GLIS3: variants seen among roughly 807,000 people sequenced by gnomAD.
The protein encoded by GLIS3 is zinc finger protein GLIS3.
In GLIS3, 53 loss-of-function variants were observed where a neutral mutation model predicts 78.6. The observed-to-expected ratio is 0.67, with a 90% CI of 0.54 to 0.85. GLIS3 has a LOEUF of 0.85. Among genes scored for constraint, GLIS3 ranks in the 40% least tolerant of loss-of-function variants. The pLI is 0.00. For synonymous variants in GLIS3, 684 were observed against 509.9 expected (o/e 1.34, Z -4.60); for missense variants, 1,703 against 1,231.1 (o/e 1.38, Z -5.74).
At chr9:4,346,175 A>G (rs1175153045) in intron 2 of GLIS3, among the ~76,000 whole-genome samples, 1 of 152,266 alleles carries the variant, frequency 6.6e-6, no homozygotes, top group African/African-American at 2.4e-5. Flanking sequence ...TCAAGAAAAT[A>G]TGAAAACTAG....
At chr9:4,177,038 C>T (rs896187008) in intron 2 of GLIS3, among the ~76,000 whole-genome samples, 8 of 152,190 alleles carry the variant, frequency 5.3e-5, no homozygotes, top group Non-Finnish European at 7.3e-5. Flanking sequence ...GGGTATCCCC[C>T]GAAATTTACA....
upstream of GLIS3, among the ~76,000 whole-genome samples, chr9:4,303,096 A>G (rs1817134411): frequency 6.7e-6 from 1 of 148,656 alleles, no homozygotes. Flanking sequence ...CAGAACTGCT[A>G]TTTGAGTCAC....
chr9:4,152,164 A>G, intron 2 of GLIS3: 5 of 976,060 alleles, frequency 5.1e-6, no homozygotes, highest in Non-Finnish European at 6.1e-6. Flanking sequence ...TTCCTCCAAC[A>G]CCCTTCAACC....
chr9:4,241,099 A>T (rs922275091), intron 2 of GLIS3, among the ~76,000 whole-genome samples: 1 of 152,174 alleles, frequency 6.6e-6, no homozygotes. Flanking sequence ...CACCTTTATG[A>T]TTATGACCTT....
At chr9:4,226,573 T>A (rs892554815) in intron 2 of GLIS3, among the ~76,000 whole-genome samples, 1 of 152,090 alleles carries the variant, frequency 6.6e-6, no homozygotes, top group Non-Finnish European at 1.5e-5. Flanking sequence ...GAGGTAAAGA[T>A]AAGAAAATGA....
intron 2 of GLIS3, among the ~76,000 whole-genome samples, chr9:4,316,750 A>G (rs531724202): frequency 6.6e-6 from 1 of 152,280 alleles, no homozygotes; most frequent in East Asian, 1.9e-4. Context: ...ACCATCTGCA[A>G]CCCTGAACTG....
intron 6 of GLIS3, among the ~76,000 whole-genome samples, chr9:3,911,786 C>T (rs2130685593): frequency 6.6e-6 from 1 of 152,282 alleles, no homozygotes; most frequent in South Asian, 2.1e-4. Flanking sequence ...GAAAGCATTT[C>T]ACCAATACCT....
chr9:4,132,076 C>T (rs1356326326), intron 2 of GLIS3, among the ~76,000 whole-genome samples: 1 of 150,194 alleles, frequency 6.7e-6, no homozygotes, highest in Non-Finnish European at 1.5e-5. Flanking sequence ...CAAAAAACCA[C>T]ATGTCATCAC....
At chr9:4,355,240 G>C in the GLIS3 span, among the ~76,000 whole-genome samples, 19 of 152,274 alleles carry the variant, frequency 1.2e-4, no homozygotes, top group African/African-American at 4.6e-4. Flanking sequence ...GGGTCCCAAA[G>C]CAAACTCTGC....
At chr9:4,343,272 T>G (rs1423282780) in intron 2 of GLIS3, among the ~76,000 whole-genome samples, 1 of 151,914 alleles carries the variant, frequency 6.6e-6, no homozygotes, top group Non-Finnish European at 1.5e-5. Context: ...AGCCCAGGAG[T>G]TCGAGGCTTC....
chr9:4,216,346 G>A (rs1474103490), intron 2 of GLIS3, among the ~76,000 whole-genome samples: 2 of 151,912 alleles, frequency 1.3e-5, no homozygotes, highest in African/African-American at 2.4e-5. Context: ...GGTGGCGGGT[G>A]CCTGTAGTCC....
At chr9:4,076,564 A>G (rs1328322450) in intron 4 of GLIS3, among the ~76,000 whole-genome samples, 1 of 152,230 alleles carries the variant, frequency 6.6e-6, no homozygotes, top group African/African-American at 2.4e-5. Context: ...AAGTAGATAA[A>G]AAAGAACATT....
chr9:4,298,811 G>A (rs771240083), intron 1 of GLIS3, among the ~76,000 whole-genome samples: 2 of 152,188 alleles, frequency 1.3e-5, no homozygotes, highest in African/African-American at 2.4e-5. Context: ...TACCCGCGAG[G>A]AGTGTAGGTA....
intron 8 of GLIS3, chr9:3,875,667 C>T (rs1219563785): frequency 2.0e-5 from 3 of 152,198 alleles, no homozygotes; most frequent in Non-Finnish European, 4.4e-5. Flanking sequence ...TAACGCAAAC[C>T]TGGTGAATAA....
the GLIS3 span, among the ~76,000 whole-genome samples, chr9:4,367,528 CT>C: frequency 6.8e-6 from 1 of 146,422 alleles, no homozygotes; most frequent in Non-Finnish European, 1.5e-5. Flanking sequence ...TTATCTTCCC[CT>C]TTTAAAAATG....
intron 9 of GLIS3, among the ~76,000 whole-genome samples, chr9:3,839,391 G>A (rs2130051858): frequency 6.6e-6 from 1 of 152,286 alleles, no homozygotes; most frequent in African/African-American, 2.4e-5. Context: ...TTACTGGCGG[G>A]TTCCTTGCTT....
At chr9:3,856,796 G>A (rs1232433764) in intron 8 of GLIS3, among the ~76,000 whole-genome samples, 2 of 152,204 alleles carry the variant, frequency 1.3e-5, no homozygotes, top group Admixed American at 1.3e-4. Context: ...GCTTGGCAAA[G>A]AGTGTTCCTG....
At chr9:4,489,135 G>C in the GLIS3 span, among the ~76,000 whole-genome samples, 1 of 152,144 alleles carries the variant, frequency 6.6e-6, no homozygotes, top group African/African-American at 2.4e-5. Context: ...CCAAAGTCCT[G>C]AGATTACAGG....
chr9:4,407,536 A>G, the GLIS3 span, among the ~76,000 whole-genome samples: 1 of 152,268 alleles, frequency 6.6e-6, no homozygotes, highest in Non-Finnish European at 1.5e-5. Context: ...AGTCCCAGCT[A>G]CTCGGGAGGC....
Sources: allele counts gnomAD v4.1 joint callset (sites outside exome capture counted in the v4.1 genomes callset), GRCh38; gene constraint gnomAD v4.1.1; transcripts MANE v1.5; gene names NCBI Gene and HGNC (gene_info 2026-07-23, HGNC 2026-07-21).